PHYHD1: variants seen among roughly 807,000 people sequenced by gnomAD.
PHYHD1 encodes phytanoyl-CoA dioxygenase domain-containing protein 1.
A neutral mutation model predicts 43.6 loss-of-function variants in PHYHD1; 42 were observed. The observed-to-expected ratio is 0.96, with a 90% CI of 0.75 to 1.25. The LOEUF is 1.25. Ranked by LOEUF, PHYHD1 falls within the 50% of genes most tolerant of loss-of-function variation. PHYHD1 has a pLI of 0.00. For synonymous variants in PHYHD1, 139 were observed against 143.6 expected (o/e 0.97, Z 0.23); for missense variants, 342 against 370.8 (o/e 0.92, Z 0.64).
At chr9:128,934,146 G>T in intron 6 of PHYHD1, 88 bp downstream of exon 6, 2 of 1,402,358 alleles carry the variant, frequency 1.4e-6, no homozygotes, top group Non-Finnish European at 2.0e-6. Context: ...CTAACACTTT[G>T]AGAAGTCAAG....
intron 12 of PHYHD1, 25 bp from the exon 13 acceptor site, chr9:128,941,643 G>A: frequency 6.2e-7 from 1 of 1,614,156 alleles, no homozygotes; most frequent in South Asian, 1.1e-5. Flanking sequence ...GCACCTCAAG[G>A]TTGTTTCTCC....
At chr9:128,931,898 G>A (rs1200622036) in intron 4 of PHYHD1, among the ~76,000 whole-genome samples, 2 of 151,292 alleles carry the variant, frequency 1.3e-5, no homozygotes, top group Admixed American at 6.6e-5. Flanking sequence ...GCAATGGTGC[G>A]ATCTTGGCTC....
Position 128,934,067 on chromosome 9 carries a change from G to C in PHYHD1, c.316+9G>C. On this transcript the variant is annotated intron_variant, in intron 6 of 12. Transcript: ENST00000372592. Reference sequence around the variant, plus strand: ...CAACAAAATTGGCCACGGTGAGCAGGGGCTTGGGGGTACAGGAAAGAAGAT... The same window carrying C: ...CAACAAAATTGGCCACGGTGAGCAGCGGCTTGGGGGTACAGGAAAGAAGAT... 2 of 1,613,052 alleles carry C rather than the reference G, an allele frequency of 1.2e-6. No individual in the cohort carries two copies. Among genetic ancestry groups the C allele is most frequent in the Non-Finnish European group, 8.5e-7 (1 of 1,179,246 alleles).
chr9:128,940,712 A>G lies in PHYHD1; in HGVS notation c.700A>G (p.Arg234Gly), dbSNP rs1389817054. The change falls in exon 11 of 13, where the codon AGA (arginine) becomes GGA (glycine). Residue 234 changes from arginine to glycine, a missense_variant. Transcript: ENST00000372592. ...CCTCTTTGTGCCCACCCCAGTGCAG[A>G]GAGGTAGGCAGATGCAGAGGGCAGA... Reference protein sequence around the residue: ...NSLFVPTPVQRGALVLIHGEV... With the variant: ...NSLFVPTPVQGGALVLIHGEV... 1 of 1,613,012 alleles carries G rather than the reference A, an allele frequency of 6.2e-7. No individual in the cohort carries two copies. Among genetic ancestry groups the G allele is most frequent in the Admixed American group, 1.7e-5 (1 of 60,004 alleles).
chr9:128,921,940 A>G lies in PHYHD1; in HGVS notation c.-149A>G, dbSNP rs1588241621. ...TCCCATTCTATCCAGATTGAGGCCTAGAGAGAGGCAGGCGTTCCTCAGAGT... is the reference window on the plus strand; with the variant it reads ...TCCCATTCTATCCAGATTGAGGCCTGGAGAGAGGCAGGCGTTCCTCAGAGT... On this transcript the variant is annotated 5_prime_UTR_variant, in exon 2 of 13. An upstream open reading frame in the 5' UTR loses its in-frame stop. Coordinates refer to ENST00000372592, the MANE Select transcript of PHYHD1 (RefSeq NM_001100876.2). 3.8e-6 allele frequency: 1 copy of G among 265,262 alleles called. No individual in the cohort carries two copies. Among genetic ancestry groups the G allele is most frequent in the East Asian group, 1.0e-4 (1 of 9,990 alleles). The allele number at this position is 265,262 out of a possible 1,614,324, so 16.4% of individuals were successfully genotyped here. A position where few individuals can be genotyped will look rare whatever the true frequency, so the allele number is the denominator to read the frequency against.
At position 128,937,825 on chromosome 9, in the gene PHYHD1, C is replaced by T. The variant is rs1243008096; in HGVS notation, c.457+47C>T. ...CCTGAAAAGGCCATGGGTGGGACAT[C>T]TAAGACAGCAATGGTTCTCAGATCT... On this transcript the variant is annotated intron_variant, in intron 9 of 12. Coordinates refer to ENST00000372592, the MANE Select transcript of PHYHD1 (RefSeq NM_001100876.2). 9 of 1,613,792 alleles carry T rather than the reference C, an allele frequency of 5.6e-6. No homozygotes were observed. In the South Asian group the frequency reaches 9.9e-5, roughly 18 times the overall value.
intron 4 of PHYHD1, among the ~76,000 whole-genome samples, chr9:128,932,175 A>ATTTTTTTTTTTTTTTTTTTTTTTTTT (rs1164525938): frequency 9.3e-6 from 1 of 107,120 alleles, no homozygotes; most frequent in African/African-American, 4.5e-5. Context: ...TATTGTTATT[A>ATTTTTTTTTTTTTTTTTTTTTTTTTT]TTATTATTAT....
chr9:128,927,810 T>C (rs1841174605), intron 4 of PHYHD1, among the ~76,000 whole-genome samples: 1 of 152,260 alleles, frequency 6.6e-6, no homozygotes, highest in Non-Finnish European at 1.5e-5. Flanking sequence ...CTTTCTGTTT[T>C]CCGGCTGTTC....
rs1841430594 is a variant in PHYHD1, at chr9:128,936,651, C to T, written c.435+6C>T. 6.4e-7 allele frequency: 1 copy of T among 1,552,064 alleles called. No homozygotes were observed. The highest frequency in any genetic ancestry group is 8.7e-7 in the Non-Finnish European group (1 of 1,147,182). On this transcript the variant is annotated splice_donor_region_variant and intron_variant, in intron 8 of 12. Transcript: ENST00000372592. ...AGAGCATGTACATCTTTAAGGTGAG[C>T]TCCTTGTCCTTGCCTCAGTTTACCA...
chr9:128,933,981 C>T (rs570277533), intron 5 of PHYHD1, 30 bp from the exon 6 acceptor site: 18 of 1,613,010 alleles, frequency 1.1e-5, no homozygotes, highest in Non-Finnish European at 1.5e-5. Context: ...GACACCAGTT[C>T]TCTGCCTTTA....
At chr9:128,938,057 A>C in intron 9 of PHYHD1, 1 of 1,064,950 alleles carries the variant, frequency 9.4e-7, no homozygotes, top group Non-Finnish European at 1.3e-6. Context: ...CTGTAATCCC[A>C]GCAATTTGGA....
intron 3 of PHYHD1, among the ~76,000 whole-genome samples, chr9:128,923,939 G>A (rs1343337369): frequency 1.3e-5 from 2 of 151,994 alleles, no homozygotes; most frequent in Admixed American, 1.3e-4. Context: ...CCAACATGGC[G>A]GAACCCTGTC....
chr9:128,936,417 A>G, intron 6 of PHYHD1, 31 bp from the exon 7 acceptor site: 2 of 1,597,002 alleles, frequency 1.3e-6, no homozygotes, highest in Non-Finnish European at 1.7e-6. Context: ...TGGGCCTGAG[A>G]TGGGGCCGAC....
At chr9:128,938,701 G>A (rs1841486702) in intron 9 of PHYHD1, among the ~76,000 whole-genome samples, 1 of 132,718 alleles carries the variant, frequency 7.5e-6, no homozygotes, top group African/African-American at 2.5e-5. Context: ...GGGATTACAG[G>A]GATGAGCCAC....
chr9:128,930,502 T>C (rs1429423380), intron 4 of PHYHD1, among the ~76,000 whole-genome samples: 2 of 150,450 alleles, frequency 1.3e-5, no homozygotes, highest in Non-Finnish European at 3.0e-5. Flanking sequence ...TCCCAGCACT[T>C]TGGGAGGCTG....
chr9:128,922,234 G>A, intron 2 of PHYHD1, 49 bp from the exon 3 acceptor site: 1 of 1,500,248 alleles, frequency 6.7e-7, no homozygotes, highest in Non-Finnish European at 9.0e-7. Context: ...TCTCCGGGTA[G>A]GGAAGGGTTA....
At chr9:128,932,651 GCCAC>G in intron 4 of PHYHD1, among the ~76,000 whole-genome samples, 1 of 65,648 alleles carries the variant, frequency 1.5e-5, no homozygotes, top group African/African-American at 5.9e-5. Flanking sequence ...ACAGGTGTGA[GCCAC>G]TGCACCCAGC....
At chr9:128,935,161 C>G (rs1841393885) in intron 6 of PHYHD1, among the ~76,000 whole-genome samples, 1 of 152,036 alleles carries the variant, frequency 6.6e-6, no homozygotes, top group African/African-American at 2.4e-5. Flanking sequence ...CGTTATGTTG[C>G]CTAGGCTGAT....
chr9:128,940,185 T>C (rs1218720192), intron 9 of PHYHD1, among the ~76,000 whole-genome samples, 184 bp from the exon 10 acceptor site: 1 of 152,150 alleles, frequency 6.6e-6, no homozygotes, highest in African/African-American at 2.4e-5. Context: ...TTTAGGAAAT[T>C]GAGGCTTTGA....
Sources: gnomAD v4.1 joint callset for allele counts (sites outside exome capture counted in the v4.1 genomes callset) on GRCh38, gnomAD v4.1.1 for gene constraint, MANE v1.5 for transcripts, NCBI Gene and HGNC (gene_info 2026-07-23, HGNC 2026-07-21) for gene names.